CSNK2A2IP: variants seen among roughly 807,000 people sequenced by gnomAD.
CSNK2A2IP encodes the protein casein kinase II subunit alpha'-interacting protein.
the CSNK2A2IP span, among the ~76,000 whole-genome samples, chr3:88,382,179 T>A: frequency 2.6e-5 from 4 of 152,198 alleles, no homozygotes; most frequent in Non-Finnish European, 5.9e-5. Context: ...CCGAATATGA[T>A]TCTTAGACTA....
chr3:88,422,649 T>C, the CSNK2A2IP span, among the ~76,000 whole-genome samples: 4 of 152,196 alleles, frequency 2.6e-5, no homozygotes, highest in Admixed American at 6.5e-5. Context: ...TATAGTTTCA[T>C]TGTCAATTTG....
At chr3:88,402,386 C>A in the CSNK2A2IP span, among the ~76,000 whole-genome samples, 1 of 151,936 alleles carries the variant, frequency 6.6e-6, no homozygotes, top group Non-Finnish European at 1.5e-5. Context: ...TGACCAGGAT[C>A]CAGCATTCTG....
At chr3:88,382,468 G>A in the CSNK2A2IP span, 9 of 152,286 alleles carry the variant, frequency 5.9e-5, no homozygotes, top group South Asian at 1.2e-3. Flanking sequence ...TTCTGAATGA[G>A]CAATCTAAAT....
chr3:88,443,491 G>A, the CSNK2A2IP span, among the ~76,000 whole-genome samples: 2 of 152,160 alleles, frequency 1.3e-5, no homozygotes, highest in Admixed American at 6.5e-5. Context: ...GGTATGTAGA[G>A]GATGACTGAA....
the CSNK2A2IP span, chr3:88,399,898 TA>T: frequency 6.6e-6 from 1 of 152,128 alleles, no homozygotes; most frequent in Non-Finnish European, 1.5e-5. Flanking sequence ...CCCAGATTAG[TA>T]AAATATGGCA....
chr3:88,421,716 C>T, the CSNK2A2IP span, among the ~76,000 whole-genome samples: 2 of 152,066 alleles, frequency 1.3e-5, no homozygotes, highest in Non-Finnish European at 2.9e-5. Context: ...CGTGCCTGGC[C>T]TTGTAGTATT....
chr3:88,399,051 A>G, the CSNK2A2IP span, among the ~76,000 whole-genome samples: 1 of 152,178 alleles, frequency 6.6e-6, no homozygotes, highest in Non-Finnish European at 1.5e-5. Context: ...AATAAAGACA[A>G]ACAAAAAGAT....
At chr3:88,402,650 A>G in the CSNK2A2IP span, among the ~76,000 whole-genome samples, 2 of 124,284 alleles carry the variant, frequency 1.6e-5, no homozygotes, top group African/African-American at 4.9e-5. Context: ...AAATTTGGAA[A>G]CATAAAATAA....
chr3:88,439,428 C>T, the CSNK2A2IP span, among the ~76,000 whole-genome samples: 1 of 151,826 alleles, frequency 6.6e-6, no homozygotes, highest in Non-Finnish European at 1.5e-5. Context: ...GGTTTGGTTT[C>T]AGTTTAGTTA....
chr3:88,384,647 C>G, the CSNK2A2IP span, among the ~76,000 whole-genome samples: 2 of 152,234 alleles, frequency 1.3e-5, no homozygotes, highest in South Asian at 4.1e-4. Flanking sequence ...TATTACTCAA[C>G]TTATGTTTTA....
chr3:88,414,385 C>A, the CSNK2A2IP span, among the ~76,000 whole-genome samples: 1 of 139,866 alleles, frequency 7.1e-6, no homozygotes, highest in South Asian at 2.3e-4. Context: ...TGGGTTCAAG[C>A]GATACTCCTG....
At chr3:88,347,360 A>C in the CSNK2A2IP span, among the ~76,000 whole-genome samples, 5 of 152,074 alleles carry the variant, frequency 3.3e-5, no homozygotes, top group African/African-American at 4.8e-5. Context: ...ACAACACTGC[A>C]TGCTACAGAG....
the CSNK2A2IP span, among the ~76,000 whole-genome samples, chr3:88,397,125 C>T: frequency 6.6e-6 from 1 of 152,190 alleles, no homozygotes; most frequent in East Asian, 1.9e-4. Flanking sequence ...TAAACATTTA[C>T]CGCCCAATAG....
At chr3:88,422,516 T>C in the CSNK2A2IP span, among the ~76,000 whole-genome samples, 1 of 152,206 alleles carries the variant, frequency 6.6e-6, no homozygotes, top group Non-Finnish European at 1.5e-5. Context: ...ACACTTGTGG[T>C]CCAAAACAAT....
chr3:88,377,535 T>C, the CSNK2A2IP span, among the ~76,000 whole-genome samples: 1 of 151,788 alleles, frequency 6.6e-6, no homozygotes, highest in Non-Finnish European at 1.5e-5. Flanking sequence ...TTCAACCATG[T>C]TGCATTCTGT....
chr3:88,411,986 T>C, the CSNK2A2IP span, among the ~76,000 whole-genome samples: 1 of 151,902 alleles, frequency 6.6e-6, no homozygotes, highest in South Asian at 2.1e-4. Context: ...GCTTGCATTG[T>C]ATTTCTATTT....
At chr3:88,444,019 T>A in the CSNK2A2IP span, among the ~76,000 whole-genome samples, 1 of 152,088 alleles carries the variant, frequency 6.6e-6, no homozygotes, top group African/African-American at 2.4e-5. Flanking sequence ...TATGGCAAAA[T>A]TCTTTATAGT....
chr3:88,466,569 A>T, the CSNK2A2IP span: 1 of 1,231,744 alleles, frequency 8.1e-7, no homozygotes, highest in African/African-American at 1.5e-5. Context: ...CTCCAAAGAC[A>T]GAATCAAATA....
chr3:88,437,958 G>A, the CSNK2A2IP span, among the ~76,000 whole-genome samples: 1 of 152,094 alleles, frequency 6.6e-6, no homozygotes, highest in Admixed American at 6.6e-5. Flanking sequence ...GTAGAAATCT[G>A]GAAAGGAATC....
Sources: allele counts gnomAD v4.1 joint callset (sites outside exome capture counted in the v4.1 genomes callset), GRCh38; gene constraint gnomAD v4.1.1; transcripts MANE v1.5; gene names NCBI Gene and HGNC (gene_info 2026-07-23, HGNC 2026-07-21).